The following KCNT2 variants were observed in gnomAD, a reference collection of about 807,000 sequenced individuals.
KCNT2 encodes potassium sodium-activated channel subfamily T member 2, also known as potassium channel subfamily T member 2.
In KCNT2, 67 loss-of-function variants were observed where a neutral mutation model predicts 153.8. That is an observed-to-expected ratio of 0.44 (90% CI 0.36 to 0.53). KCNT2 has a LOEUF of 0.53. KCNT2 is among the 20% of genes least tolerant of loss of function. The probability of loss-of-function intolerance (pLI) is 0.00; values close to 1 mark genes in which losing one functional copy is unlikely to be tolerated. For missense variants in KCNT2, 975 were observed against 1,354.8 expected (o/e 0.72, Z 4.40); for synonymous variants, 500 against 458.8 (o/e 1.09, Z -1.15).
intron 1 of KCNT2, among the ~76,000 whole-genome samples, chr1:196,534,055 T>A (rs1655257113): frequency 6.6e-6 from 1 of 152,048 alleles, no homozygotes; most frequent in South Asian, 2.1e-4. Context: ...GGGTCCAGTA[T>A]TCTTGCATTC....
At chr1:196,587,071 C>A (rs149465749) in intron 1 of KCNT2, among the ~76,000 whole-genome samples, 1 of 151,940 alleles carries the variant, frequency 6.6e-6, no homozygotes, top group African/African-American at 2.4e-5. Context: ...AGAAAATATT[C>A]GAATCATGGA....
chr1:196,310,003 A>G (rs1163626401), intron 21 of KCNT2, among the ~76,000 whole-genome samples: 1 of 151,856 alleles, frequency 6.6e-6, no homozygotes, highest in Non-Finnish European at 1.5e-5. Flanking sequence ...GCCTGCATTA[A>G]TTTATTCAAT....
intron 12 of KCNT2, among the ~76,000 whole-genome samples, chr1:196,403,641 G>A (rs1671598111): frequency 6.6e-6 from 1 of 151,328 alleles, no homozygotes; most frequent in African/African-American, 2.4e-5. Context: ...GGAAAATGGG[G>A]TGTAGGGGGA....
At chr1:196,491,985 A>C (rs1479844865) in intron 2 of KCNT2, among the ~76,000 whole-genome samples, 1 of 152,056 alleles carries the variant, frequency 6.6e-6, no homozygotes, top group Non-Finnish European at 1.5e-5. Context: ...GTTTATACTA[A>C]TCCAGATAGT....
At chr1:196,493,377 T>C (rs1680006190) in intron 1 of KCNT2, among the ~76,000 whole-genome samples, 2 of 151,570 alleles carry the variant, frequency 1.3e-5, no homozygotes, top group African/African-American at 4.8e-5. Context: ...CAAGAGTAGA[T>C]ACCTTAGAGA....
At chr1:196,319,930 A>T (rs927466403) in intron 19 of KCNT2, among the ~76,000 whole-genome samples, 1 of 151,792 alleles carries the variant, frequency 6.6e-6, no homozygotes, top group Non-Finnish European at 1.5e-5. Context: ...TTTTTAGATG[A>T]TCTAAAGCAA....
intron 26 of KCNT2, among the ~76,000 whole-genome samples, chr1:196,249,572 A>C (rs1571791602): frequency 6.6e-6 from 1 of 152,176 alleles, no homozygotes; most frequent in African/African-American, 2.4e-5. Context: ...CAGGAGTTTG[A>C]GACCAGCCTG....
At chr1:196,460,202 G>C (rs914803687) in intron 8 of KCNT2, among the ~76,000 whole-genome samples, 1 of 151,334 alleles carries the variant, frequency 6.6e-6, no homozygotes, top group African/African-American at 2.4e-5. Flanking sequence ...TATATCCAAG[G>C]GTATTTTTTT....
chr1:196,300,705 G>C (rs1029919181), intron 22 of KCNT2, among the ~76,000 whole-genome samples: 2 of 152,002 alleles, frequency 1.3e-5, no homozygotes, highest in Non-Finnish European at 2.9e-5. Context: ...CTGTTTCTTT[G>C]AGTCTTTATT....
intron 8 of KCNT2, among the ~76,000 whole-genome samples, chr1:196,454,051 T>A (rs1378952336): frequency 6.6e-6 from 1 of 152,000 alleles, no homozygotes; most frequent in Non-Finnish European, 1.5e-5. Context: ...TGTACTCTTT[T>A]AATCCTTATA....
At chr1:196,246,465 C>G (rs908590154) in intron 26 of KCNT2, among the ~76,000 whole-genome samples, 9 of 151,894 alleles carry the variant, frequency 5.9e-5, no homozygotes, top group Non-Finnish European at 1.3e-4. Context: ...AATACACACA[C>G]AAAAATATAC....
intron 27 of KCNT2, among the ~76,000 whole-genome samples, chr1:196,233,511 C>T (rs1224258601): frequency 6.6e-6 from 1 of 151,332 alleles, no homozygotes; most frequent in African/African-American, 2.4e-5. Flanking sequence ...TTGGAAAAAA[C>T]ATTCCCTATT....
At chr1:196,504,802 T>C (rs1477243719) in intron 1 of KCNT2, among the ~76,000 whole-genome samples, 5 of 152,210 alleles carry the variant, frequency 3.3e-5, no homozygotes, top group African/African-American at 9.6e-5. Flanking sequence ...TGGTATCTCA[T>C]TGTGGTTTTG....
chr1:196,500,331 A>C (rs921909089), intron 1 of KCNT2, among the ~76,000 whole-genome samples: 4 of 151,082 alleles, frequency 2.6e-5, no homozygotes, highest in Admixed American at 2.0e-4. Flanking sequence ...GGAAAGAAAG[A>C]AAAAGAAACG....
At chr1:196,298,839 C>T (rs553527016) in intron 22 of KCNT2, among the ~76,000 whole-genome samples, 1 of 148,834 alleles carries the variant, frequency 6.7e-6, no homozygotes, top group East Asian at 2.0e-4. Context: ...AAAGACACTC[C>T]TATCACACAG....
intron 25 of KCNT2, among the ~76,000 whole-genome samples, chr1:196,265,900 G>T (rs1298612793): frequency 6.6e-6 from 1 of 152,074 alleles, no homozygotes; most frequent in African/African-American, 2.4e-5. Flanking sequence ...TGCCATCAGG[G>T]AGGCCCATAA....
chr1:196,267,187 C>A (rs1349345665), intron 25 of KCNT2, among the ~76,000 whole-genome samples: 1 of 152,184 alleles, frequency 6.6e-6, no homozygotes, highest in Non-Finnish European at 1.5e-5. Flanking sequence ...TACATTGATG[C>A]CATGCTCTTC....
chr1:196,232,465 G>C (rs1654039138), intron 27 of KCNT2, among the ~76,000 whole-genome samples: 1 of 151,492 alleles, frequency 6.6e-6, no homozygotes, highest in African/African-American at 2.4e-5. Context: ...CTTAAACTGT[G>C]TTTTTATATA....
At chr1:196,416,723 A>T (rs1672783846) in intron 12 of KCNT2, among the ~76,000 whole-genome samples, 1 of 152,090 alleles carries the variant, frequency 6.6e-6, no homozygotes. Context: ...AAGTTGAATT[A>T]AAAAATATAT....
Sources: gnomAD v4.1 joint callset for allele counts (sites outside exome capture counted in the v4.1 genomes callset) on GRCh38, gnomAD v4.1.1 for gene constraint, MANE v1.5 for transcripts, NCBI Gene and HGNC (gene_info 2026-07-23, HGNC 2026-07-21) for gene names.